SGCZ: variants seen among roughly 807,000 people sequenced by gnomAD.
SGCZ encodes the protein sarcoglycan zeta.
SGCZ carries 40 observed loss-of-function variants against 41.3 expected under a neutral mutation model. That is an observed-to-expected ratio of 0.97 (90% CI 0.75 to 1.26). The LOEUF (loss-of-function observed/expected upper bound fraction) is 1.26, where lower values mean the gene tolerates loss of function less well. Ranked by LOEUF, SGCZ falls within the 50% of genes most tolerant of loss-of-function variation. The pLI is 0.00. For missense variants in SGCZ, 552 were observed against 369.8 expected (o/e 1.49, Z -4.04); for synonymous variants, 206 against 137.5 (o/e 1.50, Z -3.49).
At chr8:15,038,930 A>T (rs115394260) in intron 1 of SGCZ, among the ~76,000 whole-genome samples, 3,608 of 152,118 alleles carry the variant, frequency 0.024, 150 homozygotes, top group African/African-American at 0.082. Context: ...ACTATAGTAA[A>T]CTACTACCTC....
chr8:15,064,012 C>A lies in SGCZ; in HGVS notation c.39+173573G>T, dbSNP rs538624688. Among the ~76,000 whole-genome samples the A allele has an allele frequency of 5.9e-5, 9 of 152,266 alleles. No homozygotes were observed. The South Asian group carries it at 1.5e-3, about 25-fold the overall frequency. On this transcript the variant is annotated intron_variant, in intron 1 of 7. Transcript: ENST00000382080. Reference sequence around the variant, plus strand: ...TTCTGGTATTGTATAATAAGCTAGGCCTTCAACTATGACTCAACTTTTCTA... The same window carrying A: ...TTCTGGTATTGTATAATAAGCTAGGACTTCAACTATGACTCAACTTTTCTA...
chr8:14,323,263 C>T (rs1338359607), intron 3 of SGCZ, among the ~76,000 whole-genome samples: 3 of 152,054 alleles, frequency 2.0e-5, no homozygotes, highest in Non-Finnish European at 4.4e-5. Context: ...AACCCATTTG[C>T]TAATCTTCTA....
intron 3 of SGCZ, chr8:14,309,001 G>A: frequency 1.0e-6 from 1 of 979,020 alleles, no homozygotes; most frequent in Non-Finnish European, 1.5e-6. Context: ...ACCGCACCCG[G>A]CCTCAGCCTC....
At chr8:14,312,716 G>C (rs1281519780) in intron 3 of SGCZ, among the ~76,000 whole-genome samples, 12 of 152,040 alleles carry the variant, frequency 7.9e-5, no homozygotes, top group Admixed American at 7.9e-4. Flanking sequence ...GGAGGAGGAG[G>C]AAGAGGAAGG....
At chr8:15,203,140 T>C (rs572388733) in intron 1 of SGCZ, among the ~76,000 whole-genome samples, 23 of 151,922 alleles carry the variant, frequency 1.5e-4, no homozygotes, top group Non-Finnish European at 2.2e-4. Context: ...AAAACACCAA[T>C]ATGTGCCTTA....
chr8:14,654,990 C>A (rs1345453003), intron 1 of SGCZ, among the ~76,000 whole-genome samples: 2 of 151,928 alleles, frequency 1.3e-5, no homozygotes, highest in African/African-American at 4.8e-5. Context: ...ATGCCACAGC[C>A]ATGTTAGACA....
chr8:15,022,554 G>A (rs1803294675), intron 1 of SGCZ, among the ~76,000 whole-genome samples: 1 of 152,078 alleles, frequency 6.6e-6, no homozygotes, highest in Admixed American at 6.6e-5. Flanking sequence ...ATGTTTGCCA[G>A]GATGGTCTCG....
At chr8:14,554,694 C>A (rs1420600203) in intron 2 of SGCZ, 38 bp downstream of exon 2, 2 of 1,547,828 alleles carry the variant, frequency 1.3e-6, no homozygotes, top group African/African-American at 1.4e-5. Context: ...TGTCTCTGAA[C>A]CAAGAGCAAT....
At chr8:14,646,067 C>T (rs1237077491) in intron 1 of SGCZ, among the ~76,000 whole-genome samples, 1 of 151,702 alleles carries the variant, frequency 6.6e-6, no homozygotes, top group East Asian at 1.9e-4. Context: ...TGAATTTTAA[C>T]TTTTATTTTA....
chr8:14,268,789 G>C (rs939922843), intron 3 of SGCZ, among the ~76,000 whole-genome samples: 1 of 151,730 alleles, frequency 6.6e-6, no homozygotes, highest in Non-Finnish European at 1.5e-5. Flanking sequence ...AAAAAATCTA[G>C]TTACATATTT....
At chr8:14,649,692 C>G (rs1375829159) in intron 1 of SGCZ, among the ~76,000 whole-genome samples, 1 of 151,998 alleles carries the variant, frequency 6.6e-6, no homozygotes, top group Non-Finnish European at 1.5e-5. Flanking sequence ...ACGTAGATTT[C>G]CAATTCTAAT....
intron 1 of SGCZ, among the ~76,000 whole-genome samples, chr8:15,160,365 C>T (rs913083845): frequency 2.6e-5 from 4 of 152,134 alleles, no homozygotes; most frequent in African/African-American, 9.7e-5. Flanking sequence ...CATATCTACT[C>T]CGCTGTGTTT....
chr8:14,455,826 T>A (rs2116937620), intron 2 of SGCZ, among the ~76,000 whole-genome samples: 1 of 152,324 alleles, frequency 6.6e-6, no homozygotes, highest in African/African-American at 2.4e-5. Context: ...TAGGATATAT[T>A]ATTGTGAAAA....
At chr8:14,214,851 T>A (rs1307250802) in intron 4 of SGCZ, among the ~76,000 whole-genome samples, 2 of 152,072 alleles carry the variant, frequency 1.3e-5, no homozygotes, top group South Asian at 2.1e-4. Flanking sequence ...AAATAACAAA[T>A]CTTCACAATA....
intron 1 of SGCZ, among the ~76,000 whole-genome samples, chr8:15,040,276 T>C (rs762612472): frequency 6.6e-6 from 1 of 152,224 alleles, no homozygotes; most frequent in Non-Finnish European, 1.5e-5. Context: ...GAATATATCA[T>C]ACATGACTGA....
At chr8:15,213,090 G>C (rs1328863291) in intron 1 of SGCZ, among the ~76,000 whole-genome samples, 1 of 151,912 alleles carries the variant, frequency 6.6e-6, no homozygotes, top group Non-Finnish European at 1.5e-5. Flanking sequence ...GACATAAAGG[G>C]GAAGGTTGGA....
chr8:15,076,776 C>G (rs1167412311), intron 1 of SGCZ, among the ~76,000 whole-genome samples: 3 of 138,532 alleles, frequency 2.2e-5, no homozygotes, highest in Non-Finnish European at 4.6e-5. Context: ...TTTTTGCTTC[C>G]CTCCTTTCTC....
chr8:15,008,388 A>G (rs536719032), intron 1 of SGCZ, among the ~76,000 whole-genome samples: 11 of 151,880 alleles, frequency 7.2e-5, no homozygotes, highest in Non-Finnish European at 1.5e-4. Context: ...AGAAATGTTA[A>G]TAGAAGGACA....
At chr8:14,517,436 G>T (rs1223117615) in intron 2 of SGCZ, among the ~76,000 whole-genome samples, 2 of 152,024 alleles carry the variant, frequency 1.3e-5, no homozygotes, top group Non-Finnish European at 2.9e-5. Flanking sequence ...TCCATATGAA[G>T]AAACTTTGTG....
Sources: allele counts gnomAD v4.1 joint callset (sites outside exome capture counted in the v4.1 genomes callset), GRCh38; gene constraint gnomAD v4.1.1; transcripts MANE v1.5; gene names NCBI Gene and HGNC (gene_info 2026-07-23, HGNC 2026-07-21).